Variants in PCDH15 observed in about 807,000 individuals in gnomAD.
The protein encoded by PCDH15 is protocadherin-15.
A neutral mutation model predicts 178.5 loss-of-function variants in PCDH15; 129 were observed. That is an observed-to-expected ratio of 0.72 (90% confidence interval 0.63 to 0.84). The LOEUF (loss-of-function observed/expected upper bound fraction) is 0.84, where lower values mean the gene tolerates loss of function less well. Ranked by LOEUF, PCDH15 falls within the 40% of genes least tolerant of loss-of-function variation. The pLI is 0.00. For synonymous variants in PCDH15, 800 were observed against 732.0 expected (o/e 1.09, Z -1.50); for missense variants, 2,230 against 2,099.9 (o/e 1.06, Z -1.21).
intron 5 of PCDH15, among the ~76,000 whole-genome samples, chr10:54,360,587 G>A (rs765612861): frequency 2.6e-5 from 4 of 151,962 alleles, no homozygotes; most frequent in Non-Finnish European, 4.4e-5. Flanking sequence ...TCATAAATTT[G>A]TGGGATTCTA....
At chr10:55,274,590 T>C (rs1842535612) in intron 1 of PCDH15, among the ~76,000 whole-genome samples, 1 of 152,078 alleles carries the variant, frequency 6.6e-6, no homozygotes, top group African/African-American at 2.4e-5. Flanking sequence ...CCAGGAACCT[T>C]AGTCATCACT....
intron 2 of PCDH15, among the ~76,000 whole-genome samples, chr10:54,961,067 T>C (rs945860826): frequency 4.1e-4 from 62 of 152,342 alleles, no homozygotes; most frequent in African/African-American, 1.4e-3. Context: ...AGGAAAAATA[T>C]ATATCAAATT....
chr10:54,221,614 T>A (rs1407305965), intron 9 of PCDH15, among the ~76,000 whole-genome samples: 2 of 150,298 alleles, frequency 1.3e-5, no homozygotes, highest in African/African-American at 2.5e-5. Context: ...TTTTTTTTTT[T>A]AATTTTGAGA....
chr10:54,356,932 C>T (rs913362011), intron 5 of PCDH15, among the ~76,000 whole-genome samples: 2 of 152,092 alleles, frequency 1.3e-5, no homozygotes, highest in Admixed American at 6.6e-5. Context: ...TCAATAGATG[C>T]AGAAAAGGCC....
rs764907011 is a variant in PCDH15 at position 53,823,437 on chromosome 10, C to G, written c.4368-3207G>C. On this transcript the variant is annotated intron_variant, in intron 32 of 37. Coordinates refer to ENST00000644397, the MANE Select transcript of PCDH15 (RefSeq NM_001384140.1). The stretch of plus-strand genomic sequence containing the variant: ...TCATGAGAAAGATGTTTTTATGGCT[C>G]TCATTACTATTAAATACTTAAAAAC... 3.8e-6 allele frequency: 5 copies of G among 1,300,756 alleles called. No homozygotes were observed. In the Admixed American group the frequency reaches 8.4e-5, roughly 22 times the overall value. 80.6% of individuals were successfully genotyped at this position (1,300,756 alleles called of 1,614,324 possible). A position where few individuals can be genotyped will look rare whatever the true frequency, so the allele number is the denominator to read the frequency against.
intron 18 of PCDH15, among the ~76,000 whole-genome samples, chr10:54,034,184 T>A (rs924513627): frequency 2.0e-5 from 3 of 151,994 alleles, no homozygotes; most frequent in African/African-American, 4.8e-5. Flanking sequence ...ATAATAACTA[T>A]TTAATGAGAG....
At chr10:54,769,443 T>A (rs1490190516) in intron 1 of PCDH15, among the ~76,000 whole-genome samples, 1 of 143,898 alleles carries the variant, frequency 6.9e-6, no homozygotes, top group Non-Finnish European at 1.5e-5. Context: ...CATCCTGAGA[T>A]TTTTTTTTTT....
At chr10:54,721,979 G>C (rs1360936111) in intron 1 of PCDH15, among the ~76,000 whole-genome samples, 1 of 151,736 alleles carries the variant, frequency 6.6e-6, no homozygotes, top group Non-Finnish European at 1.5e-5. Context: ...CAAAATACTA[G>C]CAAACCAAAT....
At chr10:54,756,056 A>ACACACACACACACACAC (rs1947047019) in intron 1 of PCDH15, among the ~76,000 whole-genome samples, 15 of 71,676 alleles carry the variant, frequency 2.1e-4, no homozygotes, top group African/African-American at 5.7e-4. Flanking sequence ...CTCTACTAAA[A>ACACACACACACACACAC]ACACACACAC....
chr10:53,901,664 T>A (rs1465329153), intron 26 of PCDH15, among the ~76,000 whole-genome samples: 1 of 152,152 alleles, frequency 6.6e-6, no homozygotes, highest in African/African-American at 2.4e-5. Flanking sequence ...TAGCCCCAGG[T>A]ACATTTCTGA....
chr10:55,294,110 C>T (rs1843077837), intron 1 of PCDH15, among the ~76,000 whole-genome samples: 1 of 152,130 alleles, frequency 6.6e-6, no homozygotes, highest in Non-Finnish European at 1.5e-5. Context: ...TCACATCTTA[C>T]ATGGATGGCA....
At chr10:55,005,734 A>C (rs900571506) in intron 2 of PCDH15, among the ~76,000 whole-genome samples, 7 of 152,228 alleles carry the variant, frequency 4.6e-5, no homozygotes, top group Admixed American at 2.0e-4. Flanking sequence ...CAATTATAGC[A>C]GCATTTCTAA....
chr10:55,008,885 AAAAAAC>A lies in PCDH15; in HGVS notation c.-79-111391_-79-111386del, dbSNP rs772797559. Among the ~76,000 whole-genome samples the A allele has an allele frequency of 9.1e-4, 69 of 75,424 alleles. 1 individual carries two copies. Among genetic ancestry groups the A allele is most frequent in the African/African-American group, 2.2e-3 (60 of 26,726 alleles). The allele number at this position is 75,424 out of a possible 152,430, so 49.5% of individuals were successfully genotyped here. ...TGCTGCCCATTCCTTGATCTTGTTTAAAAAACAAAAACAAAAACAAAAACAAAAAAA... is the reference window on the plus strand; with the variant it reads ...TGCTGCCCATTCCTTGATCTTGTTTAAAAAACAAAAACAAAAACAAAAAAA... On this transcript the variant is annotated intron_variant, in intron 2 of 5. Transcript: ENST00000458638.
At chr10:54,889,827 T>G (rs1954428337) in intron 3 of PCDH15, among the ~76,000 whole-genome samples, 1 of 151,946 alleles carries the variant, frequency 6.6e-6, no homozygotes, top group East Asian at 1.9e-4. Context: ...ACTTTTTTAT[T>G]GTGCGAATAA....
intron 2 of PCDH15, among the ~76,000 whole-genome samples, chr10:54,586,084 GT>G (rs2091443790): frequency 6.6e-6 from 1 of 152,046 alleles, no homozygotes. Flanking sequence ...ATTAGACCCA[GT>G]TTTGTAGCAT....
chr10:54,974,648 T>C (rs1839021703), intron 2 of PCDH15, among the ~76,000 whole-genome samples: 1 of 152,072 alleles, frequency 6.6e-6, no homozygotes, highest in African/African-American at 2.4e-5. Flanking sequence ...ATTCTTTTGA[T>C]CTCAGTAAAA....
chr10:53,942,977 C>G (rs541316709), intron 23 of PCDH15, among the ~76,000 whole-genome samples: 16 of 152,196 alleles, frequency 1.1e-4, no homozygotes, highest in African/African-American at 3.9e-4. Flanking sequence ...AAGTTTAATA[C>G]AAGAAAATAT....
At chr10:54,669,589 T>G (rs1422135849) in intron 1 of PCDH15, among the ~76,000 whole-genome samples, 5 of 150,030 alleles carry the variant, frequency 3.3e-5, no homozygotes, top group African/African-American at 1.2e-4. Context: ...TTGTAGCTAA[T>G]TTGAGGTAAG....
chr10:55,262,045 A>G (rs1225343305), intron 1 of PCDH15, among the ~76,000 whole-genome samples: 2 of 149,922 alleles, frequency 1.3e-5, no homozygotes, highest in Non-Finnish European at 3.0e-5. Flanking sequence ...GGAGGGAGGG[A>G]AAAAGGAAGG....
Sources: allele counts gnomAD v4.1 joint callset (sites outside exome capture counted in the v4.1 genomes callset), GRCh38; gene constraint gnomAD v4.1.1; transcripts MANE v1.5; gene names NCBI Gene and HGNC (gene_info 2026-07-23, HGNC 2026-07-21).